The following PDE7B variants were observed in gnomAD, a reference collection of about 807,000 sequenced individuals.
PDE7B encodes phosphodiesterase 7B.
A neutral mutation model predicts 56.2 loss-of-function variants in PDE7B; 29 were observed. The ratio of observed to expected loss-of-function variants is 0.52; its 90% CI spans 0.38 to 0.70. The LOEUF (loss-of-function observed/expected upper bound fraction) is 0.70. PDE7B is among the 30% of genes least tolerant of loss of function. The pLI, the probability that PDE7B is intolerant of heterozygous loss-of-function variation, is 0.00. For missense variants in PDE7B, 490 were observed against 565.0 expected (o/e 0.87, Z 1.35); for synonymous variants, 197 against 196.9 (o/e 1.00, Z 0.00).
chr6:135,868,396 AG>A (rs1458432668), intron 1 of PDE7B, among the ~76,000 whole-genome samples: 3 of 152,112 alleles, frequency 2.0e-5, no homozygotes, highest in Non-Finnish European at 2.9e-5. Flanking sequence ...GTGTTTTATC[AG>A]GATGATGGTG....
At chr6:136,126,532 G>C (rs1228874347) in intron 3 of PDE7B, among the ~76,000 whole-genome samples, 1 of 152,172 alleles carries the variant, frequency 6.6e-6, no homozygotes, top group Non-Finnish European at 1.5e-5. Flanking sequence ...ATTTGCAACT[G>C]CAAAAATGTG....
At chr6:135,885,202 A>G (rs1261508177) in intron 1 of PDE7B, among the ~76,000 whole-genome samples, 1 of 152,138 alleles carries the variant, frequency 6.6e-6, no homozygotes, top group East Asian at 1.9e-4. Flanking sequence ...CTTAGAGCCA[A>G]ATATTCATGA....
At chr6:136,137,977 T>G (rs1778244841) in intron 3 of PDE7B, among the ~76,000 whole-genome samples, 1 of 152,224 alleles carries the variant, frequency 6.6e-6, no homozygotes, top group Admixed American at 6.5e-5. Flanking sequence ...AATGAAACAT[T>G]CTGGAACACC....
chr6:136,026,004 G>A (rs2128208553), intron 2 of PDE7B, among the ~76,000 whole-genome samples: 1 of 151,906 alleles, frequency 6.6e-6, no homozygotes. Context: ...CAATGTCTTG[G>A]GTAGATCTGT....
intron 8 of PDE7B, among the ~76,000 whole-genome samples, chr6:136,169,508 A>G (rs1778848049): frequency 6.6e-6 from 1 of 152,190 alleles, no homozygotes; most frequent in Admixed American, 6.5e-5. Flanking sequence ...TCAGGCTGGC[A>G]TACATCACCA....
chr6:136,129,919 C>T (rs757176243), intron 3 of PDE7B, among the ~76,000 whole-genome samples: 1 of 152,128 alleles, frequency 6.6e-6, no homozygotes, highest in Non-Finnish European at 1.5e-5. Context: ...CTTTTTTGTG[C>T]ATTTCTATGC....
chr6:136,014,395 A>G (rs913521134), intron 2 of PDE7B, among the ~76,000 whole-genome samples: 1 of 152,206 alleles, frequency 6.6e-6, no homozygotes, highest in Non-Finnish European at 1.5e-5. Flanking sequence ...ATGTATACAC[A>G]TGATATATAT....
intron 1 of PDE7B, among the ~76,000 whole-genome samples, chr6:135,870,632 A>T (rs1275793087): frequency 6.6e-6 from 1 of 151,918 alleles, no homozygotes; most frequent in East Asian, 1.9e-4. Context: ...ATTAGGGAAG[A>T]TCGAGGGAGG....
intron 11 of PDE7B, among the ~76,000 whole-genome samples, chr6:136,186,762 A>T (rs1358446540): frequency 6.6e-6 from 1 of 152,190 alleles, no homozygotes; most frequent in African/African-American, 2.4e-5. Context: ...TTGTTTTTGT[A>T]GGTCTTGTTC....
At chr6:136,157,000 A>G (rs1035441507) in intron 8 of PDE7B, among the ~76,000 whole-genome samples, 2 of 152,340 alleles carry the variant, frequency 1.3e-5, no homozygotes, top group East Asian at 3.9e-4. Context: ...CCTTTGATGT[A>G]GTATATTATT....
chr6:136,027,253 A>C (rs1200045368), intron 2 of PDE7B, among the ~76,000 whole-genome samples: 1 of 152,234 alleles, frequency 6.6e-6, no homozygotes. Context: ...GATCTAATGG[A>C]AATAGTCTAT....
chr6:135,856,070 C>T (rs908450575), intron 1 of PDE7B, among the ~76,000 whole-genome samples: 5 of 152,178 alleles, frequency 3.3e-5, no homozygotes, highest in African/African-American at 1.2e-4. Context: ...CTCTCCCATT[C>T]CTTATTTCCA....
intron 1 of PDE7B, among the ~76,000 whole-genome samples, chr6:135,939,275 G>A (rs1774469129): frequency 1.3e-5 from 2 of 151,800 alleles, no homozygotes; most frequent in Admixed American, 6.6e-5. Flanking sequence ...TGCTCAGCTC[G>A]AGGTGATTAT....
At chr6:136,174,212 G>A (rs1440400369) in intron 9 of PDE7B, among the ~76,000 whole-genome samples, 5 of 152,234 alleles carry the variant, frequency 3.3e-5, no homozygotes, top group Admixed American at 1.3e-4. Flanking sequence ...TAGCAAAATT[G>A]TCCTTCCATG....
chr6:136,010,312 C>A (rs1260768781), intron 2 of PDE7B, among the ~76,000 whole-genome samples: 1 of 149,734 alleles, frequency 6.7e-6, no homozygotes, highest in African/African-American at 2.4e-5. Context: ...TACTTCGAAA[C>A]AATCTATACC....
intron 8 of PDE7B, chr6:136,165,614 G>A (rs970022158): frequency 6.6e-6 from 1 of 152,148 alleles, no homozygotes; most frequent in Non-Finnish European, 1.5e-5. Flanking sequence ...TCATCTCTTG[G>A]TAGGGCACTT....
At chr6:136,038,266 C>T (rs1389016914) in intron 2 of PDE7B, 3 of 1,299,058 alleles carry the variant, frequency 2.3e-6, no homozygotes, top group South Asian at 2.4e-5. Context: ...CCACCACTAC[C>T]TCCTCTTCTG....
intron 2 of PDE7B, among the ~76,000 whole-genome samples, chr6:135,954,346 C>T (rs1481401921): frequency 2.6e-5 from 4 of 152,080 alleles, no homozygotes; most frequent in Admixed American, 6.6e-5. Flanking sequence ...AGCAGTCATC[C>T]GGAGTGCATC....
intron 1 of PDE7B, among the ~76,000 whole-genome samples, chr6:135,866,316 A>G (rs764528581): frequency 1.2e-4 from 19 of 152,308 alleles, no homozygotes; most frequent in Non-Finnish European, 2.4e-4. Flanking sequence ...TTTTAAAATG[A>G]GAAGTATTTA....
Sources: gnomAD v4.1 joint callset for allele counts (sites outside exome capture counted in the v4.1 genomes callset) on GRCh38, gnomAD v4.1.1 for gene constraint, MANE v1.5 for transcripts, NCBI Gene and HGNC (gene_info 2026-07-23, HGNC 2026-07-21) for gene names.